BID: variants seen among roughly 807,000 people sequenced by gnomAD.
The protein encoded by BID is BH3-interacting domain death agonist.
BID carries 19 observed loss-of-function variants against 17.4 expected under a neutral mutation model. The ratio of observed to expected loss-of-function variants is 1.09; its 90% CI spans 0.76 to 1.60. The LOEUF (loss-of-function observed/expected upper bound fraction) is 1.60, where lower values mean the gene tolerates loss of function less well. Among genes scored for constraint, BID ranks in the 40% most tolerant of loss-of-function variants. BID has a pLI of 0.00. For synonymous variants in BID, 108 were observed against 102.8 expected (o/e 1.05, Z -0.31); for missense variants, 226 against 256.0 (o/e 0.88, Z 0.80).
chr22:17,751,457 CTG>C (rs147644233), intron 1 of BID, among the ~76,000 whole-genome samples: 1,678 of 149,572 alleles, frequency 0.011, 16 homozygotes, highest in East Asian at 0.014. Context: ...AAGTATTTGC[CTG>C]TGTGTGTGTG....
intron 2 of BID, among the ~76,000 whole-genome samples, chr22:17,744,948 A>G (rs1286361535): frequency 6.6e-6 from 1 of 152,228 alleles, no homozygotes; most frequent in Non-Finnish European, 1.5e-5. Context: ...GGAAGATGGA[A>G]GTGTAGGCAG....
At chr22:17,771,760 T>C (rs1200998284) in intron 1 of BID, among the ~76,000 whole-genome samples, 1 of 152,222 alleles carries the variant, frequency 6.6e-6, no homozygotes, top group African/African-American at 2.4e-5. Context: ...GCAGGCTGTG[T>C]TGGGGCTGGA....
rs2061408072 is a variant in BID, at chr22:17,734,758, C to T, written c.*822G>A. 1 of 152,220 alleles carries T rather than the reference C, an allele frequency of 6.6e-6. No individual in the cohort carries two copies. The highest frequency in any genetic ancestry group is 2.4e-5 in the African/African-American group (1 of 41,454). 9.4% of individuals were successfully genotyped at this position (152,220 alleles called of 1,614,324 possible). ...CAGGGGGCTAACTCCCGGGGCATCG[C>T]AGTAGCTTCTGGCACCCGTGGCTTC... On this transcript the variant is annotated 3_prime_UTR_variant, in exon 6 of 6. Transcript: ENST00000622694.
intron 1 of BID, among the ~76,000 whole-genome samples, chr22:17,753,517 C>T (rs1286145521): frequency 6.6e-6 from 1 of 152,212 alleles, no homozygotes; most frequent in Admixed American, 6.5e-5. Flanking sequence ...GGTGGAGCAC[C>T]AGCCCTGCAT....
chr22:17,752,539 T>C (rs181408), intron 1 of BID, among the ~76,000 whole-genome samples: 78,449 of 151,736 alleles, frequency 0.52, 20,631 homozygotes, highest in East Asian at 0.82. Flanking sequence ...TGTCACATCA[T>C]GGAGGAATAC....
intron 2 of BID, among the ~76,000 whole-genome samples, chr22:17,745,705 C>T (rs2061490712): frequency 6.6e-6 from 1 of 151,908 alleles, no homozygotes; most frequent in African/African-American, 2.4e-5. Context: ...CGGTGGCTCA[C>T]GCCTGTAATC....
chr22:17,770,972 C>G (rs952999873), intron 1 of BID, among the ~76,000 whole-genome samples: 1 of 152,172 alleles, frequency 6.6e-6, no homozygotes, highest in African/African-American at 2.4e-5. Flanking sequence ...ATCTCCTCCC[C>G]TGGGGCCACA....
At chr22:17,761,670 G>A (rs988367629) in intron 1 of BID, among the ~76,000 whole-genome samples, 4 of 152,102 alleles carry the variant, frequency 2.6e-5, no homozygotes, top group Admixed American at 2.0e-4. Flanking sequence ...TGACATCGTC[G>A]TGATCCACCC....
intron 1 of BID, among the ~76,000 whole-genome samples, chr22:17,755,317 A>G (rs899696080): frequency 1.3e-4 from 20 of 152,284 alleles, no homozygotes; most frequent in African/African-American, 4.6e-4. Context: ...TGCTCCGTGC[A>G]GTGCCAAGGA....
intron 1 of BID, among the ~76,000 whole-genome samples, chr22:17,765,838 G>A (rs772215298): frequency 1.5e-4 from 23 of 152,196 alleles, no homozygotes; most frequent in African/African-American, 5.5e-4. Context: ...ATAATAAAAA[G>A]AAACTGAAGA....
At position 17,773,432 on chromosome 22, in the gene BID, G is replaced by A. The variant is rs141413318; in HGVS notation, c.-59+949C>T. On this transcript the variant is annotated intron_variant, in intron 1 of 5. Coordinates refer to ENST00000622694, the MANE Select transcript of BID (RefSeq NM_001196.4). This position sits in a 1 kb window ranked among gnomAD's most constrained non-coding sequence, Gnocchi z 4.4. ...GGAATGTGGAAAAACCGCATCCTCT[G>A]CAGCTCCCCCACAGTGAGAGCGAGG... 5.8e-3 allele frequency among the ~76,000 whole-genome samples: 889 copies of A among 152,278 alleles called. 11 individuals are homozygous for A. The highest frequency in any genetic ancestry group is 0.02 in the African/African-American group (836 of 41,552).
chr22:17,741,713 T>C (rs1162071412), intron 3 of BID, among the ~76,000 whole-genome samples: 4 of 152,236 alleles, frequency 2.6e-5, no homozygotes, highest in African/African-American at 9.6e-5. Flanking sequence ...CCTGACCTCA[T>C]GATCCACCTG....
chr22:17,744,163 C>T, intron 2 of BID, 150 bp from the exon 3 acceptor site: 4 of 686,706 alleles, frequency 5.8e-6, no homozygotes, highest in Non-Finnish European at 7.4e-6. Flanking sequence ...CAGGAGGTCT[C>T]AACAGGCAGA....
At chr22:17,771,249 C>G (rs1479713160) in intron 1 of BID, among the ~76,000 whole-genome samples, 1 of 152,130 alleles carries the variant, frequency 6.6e-6, no homozygotes, top group Non-Finnish European at 1.5e-5. Flanking sequence ...ATGGGCGCCC[C>G]CCACCACGCA....
chr22:17,756,488 CTTTCTT>C (rs1569047908), intron 1 of BID, among the ~76,000 whole-genome samples: 31 of 97,420 alleles, frequency 3.2e-4, no homozygotes, highest in African/African-American at 1.1e-3. Flanking sequence ...TTCTTTCTTT[CTTTCTT>C]TCTCTCTCTC....
intron 1 of BID, among the ~76,000 whole-genome samples, chr22:17,759,249 A>AC (rs1555906742): frequency 1.1e-4 from 16 of 148,528 alleles, no homozygotes; most frequent in South Asian, 4.2e-4. Flanking sequence ...AACAAAACAA[A>AC]AAAAAAAAAA....
chr22:17,762,995 G>A (rs2061651925), intron 1 of BID, among the ~76,000 whole-genome samples: 1 of 151,970 alleles, frequency 6.6e-6, no homozygotes, highest in African/African-American at 2.4e-5. Context: ...TCCTGCCTCA[G>A]CCTCCCGAGT....
intron 1 of BID, among the ~76,000 whole-genome samples, chr22:17,757,004 CA>C (rs11347767): frequency 0.18 from 27,404 of 152,058 alleles, 2,621 homozygotes; most frequent in Middle Eastern, 0.24. Flanking sequence ...CAGTGTCAAA[CA>C]GCAATGAGGG....
chr22:17,771,336 T>C (rs879581287), intron 1 of BID, among the ~76,000 whole-genome samples: 14 of 152,182 alleles, frequency 9.2e-5, no homozygotes, highest in Non-Finnish European at 7.3e-5. Context: ...CCTGACCTCA[T>C]GATCCGCCCA....
Sources: allele counts gnomAD v4.1 joint callset (sites outside exome capture counted in the v4.1 genomes callset), GRCh38; gene constraint gnomAD v4.1.1; non-coding constraint Gnocchi (gnomAD v3.1); transcripts MANE v1.5; gene names NCBI Gene and HGNC (gene_info 2026-07-23, HGNC 2026-07-21).